TRPM3: variants seen among roughly 807,000 people sequenced by gnomAD.
TRPM3 encodes the protein transient receptor potential cation channel subfamily M member 3.
A neutral mutation model predicts 181.2 loss-of-function variants in TRPM3; 77 were observed. The ratio of observed to expected loss-of-function variants is 0.42; its 90% confidence interval spans 0.35 to 0.51. TRPM3 has a LOEUF of 0.51. Ranked by LOEUF, TRPM3 falls within the 20% of genes least tolerant of loss-of-function variation. The probability of loss-of-function intolerance (pLI) is 0.01; values close to 1 mark genes in which losing one functional copy is unlikely to be tolerated. For synonymous variants in TRPM3, 745 were observed against 796.4 expected (o/e 0.94, Z 1.09); for missense variants, 1,759 against 2,196.7 (o/e 0.80, Z 3.98).
intron 1 of TRPM3, among the ~76,000 whole-genome samples, chr9:71,343,779 T>G (rs547119707): frequency 6.6e-6 from 1 of 152,216 alleles, no homozygotes; most frequent in African/African-American, 2.4e-5. Context: ...TCCAGGAATC[T>G]TTGAAGAAAT....
At position 71,031,375 on chromosome 9, in the gene TRPM3, C is replaced by T. The variant is rs2057283503; in HGVS notation, c.177+89803G>A. 2.0e-5 allele frequency among the ~76,000 whole-genome samples: 3 copies of T among 152,260 alleles called. No homozygotes were observed. The Middle Eastern group carries it at 0.01, about 518-fold the overall frequency. On this transcript the variant is annotated intron_variant, in intron 1 of 25. Transcript: ENST00000677713. ...TTGAGTTTGAATATCGGTTCTACCT[C>T]ATAATTCTCACTAAACTTTTCTAAG...
chr9:71,199,562 A>G lies in TRPM3; in HGVS notation c.183+247091T>C, dbSNP rs867001455. Among the ~76,000 whole-genome samples the G allele has an allele frequency of 5.9e-3, 894 of 152,152 alleles. 5 individuals are homozygous for G. Among genetic ancestry groups the G allele is most frequent in the Non-Finnish European group, 0.011 (728 of 67,988 alleles). ...GCCACAATTTCAGAGCCTGTTATTG[A>G]TCTATTCAGAGATTCAACTTCTTCC... On this transcript the variant is annotated intron_variant, in intron 1 of 24. Transcript: ENST00000357533.
intron 8 of TRPM3, among the ~76,000 whole-genome samples, chr9:70,749,717 G>C (rs1453943277): frequency 6.6e-6 from 1 of 152,190 alleles, no homozygotes; most frequent in Non-Finnish European, 1.5e-5. Flanking sequence ...GTACTAAAAT[G>C]AAGTCATCCT....
In TRPM3 at chr9:70,535,702, C is replaced by T. The variant is rs1046076061; in HGVS notation, c.*251G>A. ...CATTCATCTCTAACCCTTCCTTCTC[C>T]CTCTCTTCCCCCTCCCTGCCCAGCA... On this transcript the variant is annotated 3_prime_UTR_variant, in exon 26 of 26. Transcript: ENST00000677713. The T allele has an allele frequency of 2.1e-6, 3 of 1,433,990 alleles. No homozygotes were observed. Among genetic ancestry groups the T allele is most frequent in the African/African-American group, 1.4e-5 (1 of 69,640 alleles). The allele number at this position is 1,433,990 out of a possible 1,614,324, so 88.8% of individuals were successfully genotyped here.
At chr9:71,400,648 G>T (rs543646661) in intron 1 of TRPM3, among the ~76,000 whole-genome samples, 1 of 151,756 alleles carries the variant, frequency 6.6e-6, no homozygotes, top group Non-Finnish European at 1.5e-5. Context: ...ATTATTTATT[G>T]CTAATACTTA....
chr9:71,190,923 C>T (rs1247106608), intron 1 of TRPM3, among the ~76,000 whole-genome samples: 2 of 151,858 alleles, frequency 1.3e-5, no homozygotes, highest in Non-Finnish European at 2.9e-5. Flanking sequence ...CTAGTGAAAT[C>T]TCCTTCTGTT....
intron 1 of TRPM3, among the ~76,000 whole-genome samples, chr9:71,403,146 G>T (rs2093372475): frequency 1.3e-5 from 2 of 152,192 alleles, no homozygotes; most frequent in African/African-American, 4.8e-5. Context: ...GGCAAACTAT[G>T]CCTGCAGGCC....
chr9:70,695,663 C>G (rs553274238), intron 8 of TRPM3, among the ~76,000 whole-genome samples: 1 of 152,204 alleles, frequency 6.6e-6, no homozygotes, highest in East Asian at 1.9e-4. Context: ...ACAAACGATA[C>G]CAACATTGGT....
chr9:70,680,201 A>G (rs2065073234), intron 9 of TRPM3, among the ~76,000 whole-genome samples: 2 of 152,224 alleles, frequency 1.3e-5, no homozygotes, highest in Admixed American at 1.3e-4. Context: ...CTTGCTAATT[A>G]GCATTTTAAC....
chr9:71,240,483 G>T (rs1450497053), intron 1 of TRPM3, among the ~76,000 whole-genome samples: 6 of 152,030 alleles, frequency 3.9e-5, no homozygotes, highest in Non-Finnish European at 7.4e-5. Context: ...TTAGCAACAG[G>T]ATACATTATT....
chr9:70,980,282 T>TG (rs1407425990), intron 1 of TRPM3, among the ~76,000 whole-genome samples: 2 of 151,918 alleles, frequency 1.3e-5, no homozygotes, highest in African/African-American at 4.8e-5. Flanking sequence ...CAGAGATCTT[T>TG]GCAGGGCAAA....
At chr9:71,217,343 A>T (rs1322111085) in intron 1 of TRPM3, among the ~76,000 whole-genome samples, 1 of 152,214 alleles carries the variant, frequency 6.6e-6, no homozygotes, top group African/African-American at 2.4e-5. Flanking sequence ...GCCATGCAAC[A>T]GTCAGCTTGT....
chr9:70,899,534 T>A (rs57192564), intron 1 of TRPM3, among the ~76,000 whole-genome samples: 10,948 of 152,266 alleles, frequency 0.072, 434 homozygotes, highest in African/African-American at 0.088. Context: ...TTTTTTCTTG[T>A]GCTGCTTCCT....
chr9:70,978,867 G>A (rs2097334111), intron 1 of TRPM3, among the ~76,000 whole-genome samples: 1 of 152,152 alleles, frequency 6.6e-6, no homozygotes, highest in Non-Finnish European at 1.5e-5. Context: ...ACAGGAAAAT[G>A]AGCAAAATCA....
intron 1 of TRPM3, among the ~76,000 whole-genome samples, chr9:71,328,548 T>A (rs377375381): frequency 2.9e-4 from 44 of 152,324 alleles, no homozygotes; most frequent in African/African-American, 1.0e-3. Flanking sequence ...GTCTGTTTTT[T>A]ACTTTCCCAA....
chr9:70,922,465 T>A (rs545894087), intron 1 of TRPM3, among the ~76,000 whole-genome samples: 1 of 152,338 alleles, frequency 6.6e-6, no homozygotes, highest in Non-Finnish European at 1.5e-5. Flanking sequence ...ACTAATTTAA[T>A]GTTATATAAT....
chr9:71,101,224 T>C (rs186320673), intron 1 of TRPM3, among the ~76,000 whole-genome samples: 2 of 152,268 alleles, frequency 1.3e-5, no homozygotes, highest in East Asian at 3.9e-4. Flanking sequence ...CATAAGTATC[T>C]CTGCTCTTGA....
rs975018208 is a variant in TRPM3 at position 71,277,535 on chromosome 9, T to C, written c.183+169118A>G. On this transcript the variant is annotated intron_variant, in intron 1 of 24. Transcript: ENST00000357533. Reference sequence around the variant, plus strand: ...AATGTGACAAATCAAAGGAGTCTAATTTTTTTTAACTGATTTAAAAAAAAG... The same window carrying C: ...AATGTGACAAATCAAAGGAGTCTAACTTTTTTTAACTGATTTAAAAAAAAG... Among the ~76,000 whole-genome samples, 11 of 152,152 alleles carry C rather than the reference T, an allele frequency of 7.2e-5. No homozygotes were observed. In the East Asian group the frequency reaches 7.7e-4, roughly 11 times the overall value.
Position 70,977,082 on chromosome 9 carries a change from T to C in TRPM3, c.178-112571A>G, listed in dbSNP as rs12336885. 4.4e-3 allele frequency among the ~76,000 whole-genome samples: 671 copies of C among 152,312 alleles called. 2 individuals carry two copies. The highest frequency in any genetic ancestry group is 0.015 in the African/African-American group (628 of 41,568). ...TGTGATACAAAGACTATAAACTATG[T>C]TTTTGCCATATGTTGGTGGGGAAAG... On this transcript the variant is annotated intron_variant, in intron 1 of 25. Transcript: ENST00000677713.
Sources: allele counts gnomAD v4.1 joint callset (sites outside exome capture counted in the v4.1 genomes callset), GRCh38; gene constraint gnomAD v4.1.1; transcripts MANE v1.5; gene names NCBI Gene and HGNC (gene_info 2026-07-23, HGNC 2026-07-21).